The following ZNF721 variants were observed in gnomAD, a reference collection of about 807,000 sequenced individuals.
ZNF721 encodes zinc finger protein 721.
ZNF721 carries 2 observed loss-of-function variants against 2.4 expected under a neutral mutation model. The observed-to-expected ratio is 0.82, with a 90% CI of 0.34 to 2.58. The LOEUF is 2.58. Among genes scored for constraint, ZNF721 ranks in the 30% most tolerant of loss-of-function variants. ZNF721 has a pLI of 0.11. For synonymous variants in ZNF721, 398 were observed against 381.8 expected (o/e 1.04, Z -0.50); for missense variants, 1,187 against 1,085.5 (o/e 1.09, Z -1.31).
intron 2 of ZNF721, among the ~76,000 whole-genome samples, chr4:468,325 G>A (rs1715320646): frequency 6.6e-6 from 1 of 151,842 alleles, no homozygotes; most frequent in Non-Finnish European, 1.5e-5. Context: ...AGCTAGTTGG[G>A]AGGCTGAGGC....
chr4:489,215 GC>G (rs1324081421), intron 1 of ZNF721, among the ~76,000 whole-genome samples: 2 of 152,090 alleles, frequency 1.3e-5, no homozygotes, highest in Non-Finnish European at 2.9e-5. Context: ...TCAACCCCAG[GC>G]ATGCTCAGAT....
chr4:448,344 G>A (rs1459575083), intron 2 of ZNF721, among the ~76,000 whole-genome samples: 3 of 151,820 alleles, frequency 2.0e-5, no homozygotes, highest in Admixed American at 6.6e-5. Flanking sequence ...GCTGAGGGAG[G>A]AGAATGGCGT....
At chr4:454,921 G>A (rs1398335398) in intron 2 of ZNF721, among the ~76,000 whole-genome samples, 2 of 152,164 alleles carry the variant, frequency 1.3e-5, no homozygotes, top group African/African-American at 4.8e-5. Context: ...AGGTGCAAAA[G>A]CCCCTCGTGA....
intron 2 of ZNF721, among the ~76,000 whole-genome samples, chr4:466,392 T>C (rs1298257540): frequency 2.6e-5 from 4 of 152,210 alleles, no homozygotes; most frequent in Non-Finnish European, 5.9e-5. Context: ...CTCTCCATCT[T>C]CATTTATGCT....
chr4:476,622 C>G (rs1393196750), intron 1 of ZNF721, among the ~76,000 whole-genome samples: 1 of 152,166 alleles, frequency 6.6e-6, no homozygotes, highest in South Asian at 2.1e-4. Flanking sequence ...AATTTCTTTC[C>G]GCAATGAGCT....
At chr4:482,819 T>C (rs782773498) in intron 1 of ZNF721, among the ~76,000 whole-genome samples, 1 of 152,202 alleles carries the variant, frequency 6.6e-6, no homozygotes, top group Non-Finnish European at 1.5e-5. Context: ...TTATACACTT[T>C]AGACAAAGAG....
intron 1 of ZNF721, among the ~76,000 whole-genome samples, chr4:495,138 T>C (rs2108726171): frequency 6.6e-6 from 1 of 152,162 alleles, no homozygotes; most frequent in African/African-American, 2.4e-5. Context: ...CACCTTGGCC[T>C]GCCAAAGTGC....
chr4:463,463 T>G (rs1293862741), intron 2 of ZNF721, among the ~76,000 whole-genome samples: 2 of 152,208 alleles, frequency 1.3e-5, no homozygotes, highest in Non-Finnish European at 2.9e-5. Context: ...ACACGTATTT[T>G]TATTGCAGCA....
chr4:465,255 C>T (rs782525551), intron 2 of ZNF721, among the ~76,000 whole-genome samples: 1 of 151,918 alleles, frequency 6.6e-6, no homozygotes, highest in Admixed American at 6.6e-5. Flanking sequence ...GACCTGGTGG[C>T]GTGTACTTGT....
intron 1 of ZNF721, among the ~76,000 whole-genome samples, chr4:491,393 G>C (rs750838587): frequency 1.3e-5 from 2 of 152,170 alleles, no homozygotes; most frequent in Non-Finnish European, 2.9e-5. Context: ...ACTCCAGCCT[G>C]GGCAACAGAG....
intron 2 of ZNF721, among the ~76,000 whole-genome samples, chr4:463,676 T>C (rs1219054110): frequency 6.6e-6 from 1 of 152,172 alleles, no homozygotes; most frequent in Non-Finnish European, 1.5e-5. Flanking sequence ...AAACATCGCA[T>C]GTTCTCACTC....
At chr4:467,174 G>A (rs1209672534) in intron 2 of ZNF721, among the ~76,000 whole-genome samples, 1 of 151,688 alleles carries the variant, frequency 6.6e-6, no homozygotes, top group Non-Finnish European at 1.5e-5. Flanking sequence ...CCGAGATTGC[G>A]CCACTGCACT....
intron 1 of ZNF721, among the ~76,000 whole-genome samples, chr4:473,250 T>C (rs1459897392): frequency 6.6e-6 from 1 of 152,146 alleles, no homozygotes; most frequent in Non-Finnish European, 1.5e-5. Context: ...AAAGAGTCCA[T>C]GAGTTAGCGT....
intron 2 of ZNF721, among the ~76,000 whole-genome samples, chr4:465,908 G>GA (rs1201557234): frequency 4.0e-5 from 6 of 151,804 alleles, no homozygotes; most frequent in African/African-American, 1.4e-4. Context: ...TTAAAAAACA[G>GA]AAACTACTAC....
At chr4:485,766 G>T (rs1263944597) in intron 1 of ZNF721, among the ~76,000 whole-genome samples, 3 of 152,140 alleles carry the variant, frequency 2.0e-5, no homozygotes, top group African/African-American at 7.2e-5. Flanking sequence ...ATGAGGTCAA[G>T]AGATCGAGAC....
Position 442,165 on chromosome 4 carries a change from G to C in ZNF721, c.2302C>G (p.Leu768Val). ...GTATGAATTTTCTCATGTCTATTCA[G>C]GTGTGAGGACTGTTTAAACACTTTC... ...CGKVFKQSSH[L>V]NRHEKIHTGK... The change falls in exon 3 of 3, where the codon CTG (leucine) becomes GTG (valine). Residue 768 changes from leucine (L) to valine (V), a missense_variant. Physicochemically the swap from Leu to Val is conservative, Grantham distance 32. Transcript: ENST00000511833. The C allele has an allele frequency of 6.2e-7, 1 of 1,612,942 alleles. No homozygotes were observed. Among genetic ancestry groups the C allele is most frequent in the South Asian group, 1.1e-5 (1 of 91,052 alleles).
At chr4:446,104 GAAGA>G (rs150597392) in intron 2 of ZNF721, among the ~76,000 whole-genome samples, 8,371 of 152,184 alleles carry the variant, frequency 0.055, 328 homozygotes, top group African/African-American at 0.12. Context: ...AAAAAATGCT[GAAGA>G]AAGTGTCTTC....
intron 1 of ZNF721, among the ~76,000 whole-genome samples, chr4:486,483 C>T (rs1389268596): frequency 4.6e-5 from 7 of 152,044 alleles, no homozygotes; most frequent in African/African-American, 7.2e-5. Flanking sequence ...TCTATGTGTG[C>T]TCTAGGCACT....
intron 2 of ZNF721, among the ~76,000 whole-genome samples, chr4:448,983 G>C (rs1279520261): frequency 6.6e-6 from 1 of 152,142 alleles, no homozygotes; most frequent in African/African-American, 2.4e-5. Flanking sequence ...GTCATGAAGA[G>C]ACAGAAACTG....
Sources: gnomAD v4.1 joint callset for allele counts (sites outside exome capture counted in the v4.1 genomes callset) on GRCh38, gnomAD v4.1.1 for gene constraint, MANE v1.5 for transcripts, NCBI Gene and HGNC (gene_info 2026-07-23, HGNC 2026-07-21) for gene names.